TRMT10B: variants seen among roughly 807,000 people sequenced by gnomAD.
TRMT10B encodes tRNA methyltransferase 10B.
In TRMT10B, 33 loss-of-function variants were observed where a neutral mutation model predicts 43.8. That is an observed-to-expected ratio of 0.75 (90% confidence interval 0.57 to 1.01). The LOEUF is 1.01. Ranked by LOEUF, TRMT10B falls within the 50% of genes least tolerant of loss-of-function variation. The probability of loss-of-function intolerance (pLI) is 0.00; values close to 1 mark genes in which losing one functional copy is unlikely to be tolerated. For synonymous variants in TRMT10B, 137 were observed against 130.6 expected (o/e 1.05, Z -0.34); for missense variants, 362 against 369.8 (o/e 0.98, Z 0.17).
chr9:37,763,516 A>T, intron 3 of TRMT10B, 113 bp from the exon 4 acceptor site: 2 of 830,278 alleles, frequency 2.4e-6, no homozygotes, highest in Middle Eastern at 3.3e-4. Context: ...AATACCTTAC[A>T]TCAGTATCAA....
Position 37,765,091 on chromosome 9 carries a change from C to T in TRMT10B, c.420+1338C>T, listed in dbSNP as rs557939578. Among the ~76,000 whole-genome samples the T allele has an allele frequency of 5.9e-5, 9 of 152,164 alleles. No homozygotes were observed. The South Asian group carries it at 1.9e-3, about 32-fold the overall frequency. ...GGATAAAGAGATTATGCCTTGGACC[C>T]TTGATGAAAAGTATTTAATTATTTA... On this transcript the variant is annotated intron_variant, in intron 4 of 8. Coordinates refer to ENST00000297994, the MANE Select transcript of TRMT10B (RefSeq NM_144964.4).
intron 3 of TRMT10B, among the ~76,000 whole-genome samples, chr9:37,763,159 A>AC (rs200884185): frequency 1.4e-5 from 2 of 143,012 alleles, no homozygotes; most frequent in Non-Finnish European, 3.0e-5. Flanking sequence ...AAAAAAAAAA[A>AC]AAAAAACAAA....
At chr9:37,773,972 A>AC (rs781091646) in intron 7 of TRMT10B, among the ~76,000 whole-genome samples, 15,186 of 147,158 alleles carry the variant, frequency 0.1, 963 homozygotes, top group Non-Finnish European at 0.15. Flanking sequence ...AAAAAAAAAA[A>AC]AACAACAATA....
chr9:37,765,096 T>C (rs962447373), intron 4 of TRMT10B, among the ~76,000 whole-genome samples: 2 of 152,156 alleles, frequency 1.3e-5, no homozygotes, highest in Non-Finnish European at 2.9e-5. Flanking sequence ...GGACCCTTGA[T>C]GAAAAGTATT....
rs528788863 is a variant in TRMT10B, at chr9:37,770,839, CAGAG to C, written c.720+101_720+104del. The C allele has an allele frequency of 4.1e-4, 502 of 1,232,756 alleles. 2 individuals are homozygous for C. The African/African-American group carries it at 7.2e-3, about 18-fold the overall frequency. 76.4% of individuals were successfully genotyped at this position (1,232,756 alleles called of 1,614,324 possible). A position where few individuals can be genotyped will look rare whatever the true frequency, so the allele number is the denominator to read the frequency against. ...GTCTCCTCTAGAGGGTCTAAGAACTCAGAGGGAACAGGAAGAAAGAGCCATCCCC... is the reference window on the plus strand; with the variant it reads ...GTCTCCTCTAGAGGGTCTAAGAACTCGGAACAGGAAGAAAGAGCCATCCCC... On this transcript the variant is annotated intron_variant, in intron 7 of 8. Transcript: ENST00000297994.
At position 37,755,655 on chromosome 9, in the gene TRMT10B, T is replaced by C. The variant is rs141631807; in HGVS notation, c.-30+1803T>C. Among the ~76,000 whole-genome samples the C allele has an allele frequency of 4.4e-4, 67 of 152,326 alleles. 1 individual carries two copies. The highest frequency in any genetic ancestry group is 1.6e-3 in the African/African-American group (65 of 41,554). ...CAGGAGTGTTAGCTTGTTCTATTAC[T>C]CTTCTGATGGTGGTTGGAGTTGTTT... On this transcript the variant is annotated intron_variant, in intron 1 of 8. Transcript: ENST00000297994.
intron 2 of TRMT10B, 63 bp downstream of exon 2, chr9:37,762,180 T>A: frequency 6.7e-7 from 1 of 1,498,338 alleles, no homozygotes; most frequent in South Asian, 1.3e-5. Flanking sequence ...ACACCCCTGT[T>A]TTAAAGATGG....
chr9:37,778,212 T>A lies in TRMT10B; in HGVS notation c.*505T>A, dbSNP rs1021893088. ...CTGGCTCACAGGAAGTGCTCAGATA[T>A]GTTAAGTAATAAAAAGTTAATGTGG... On this transcript the variant is annotated 3_prime_UTR_variant, in exon 9 of 9. Coordinates refer to ENST00000297994, the MANE Select transcript of TRMT10B (RefSeq NM_144964.4). 1 of 152,040 alleles carries A rather than the reference T, an allele frequency of 6.6e-6. No homozygotes were observed. Among genetic ancestry groups the A allele is most frequent in the African/African-American group, 2.4e-5 (1 of 41,242 alleles). 9.4% of individuals were successfully genotyped at this position (152,040 alleles called of 1,614,324 possible).
chr9:37,763,018 G>T (rs1826543073), intron 3 of TRMT10B, among the ~76,000 whole-genome samples: 2 of 149,170 alleles, frequency 1.3e-5, no homozygotes, highest in African/African-American at 4.9e-5. Flanking sequence ...GCACGCACCT[G>T]TAGTCCCAGC....
chr9:37,755,369 T>G (rs1363889613), intron 1 of TRMT10B, among the ~76,000 whole-genome samples: 1 of 151,480 alleles, frequency 6.6e-6, no homozygotes, highest in Non-Finnish European at 1.5e-5. Context: ...TGGATGCCCT[T>G]AGGTGTGTTT....
chr9:37,769,615 G>A (rs1827346521), intron 5 of TRMT10B: 2 of 246,190 alleles, frequency 8.1e-6, no homozygotes, highest in Non-Finnish European at 1.6e-5. Flanking sequence ...AATTTTGAGC[G>A]GGGTTTTTTT....
chr9:37,775,352 G>GA (rs920383871), intron 7 of TRMT10B, among the ~76,000 whole-genome samples: 18 of 152,278 alleles, frequency 1.2e-4, no homozygotes, highest in African/African-American at 4.3e-4. Flanking sequence ...GTCTTAGGTA[G>GA]AAAATCTTTC....
At chr9:37,766,179 C>T (rs1826969345) in intron 4 of TRMT10B, among the ~76,000 whole-genome samples, 1 of 152,008 alleles carries the variant, frequency 6.6e-6, no homozygotes. Flanking sequence ...ATGGTATTGC[C>T]TAGGTTTTCT....
chr9:37,769,883 G>C (rs1436276295), intron 5 of TRMT10B, 58 bp from the exon 6 acceptor site: 1 of 1,412,658 alleles, frequency 7.1e-7, no homozygotes, highest in African/African-American at 1.4e-5. Context: ...GATTACAGAC[G>C]TGAGCCACCC....
At chr9:37,777,464 C>A in intron 8 of TRMT10B, 137 bp from the exon 9 acceptor site, 1 of 652,040 alleles carries the variant, frequency 1.5e-6, no homozygotes, top group Non-Finnish European at 2.6e-6. Context: ...TGTGTCCTTG[C>A]CTCTCCCCGC....
chr9:37,774,368 C>A (rs1031366700), intron 7 of TRMT10B, among the ~76,000 whole-genome samples: 1 of 152,174 alleles, frequency 6.6e-6, no homozygotes, highest in Admixed American at 6.5e-5. Flanking sequence ...TACAGATGTG[C>A]AGTTTTAACA....
chr9:37,754,793 C>T (rs1825434742), intron 1 of TRMT10B, among the ~76,000 whole-genome samples: 1 of 152,084 alleles, frequency 6.6e-6, no homozygotes, highest in Non-Finnish European at 1.5e-5. Context: ...ATTGGAGGCT[C>T]AGAAAAGATG....
intron 7 of TRMT10B, among the ~76,000 whole-genome samples, chr9:37,775,195 G>C (rs1471473747): frequency 6.6e-6 from 1 of 152,248 alleles, no homozygotes; most frequent in East Asian, 1.9e-4. Context: ...GCTGTCCATT[G>C]AGTGGCCACA....
At chr9:37,753,580 A>G (rs1825202258), upstream of TRMT10B, among the ~76,000 whole-genome samples, 1 of 152,122 alleles carries the variant, frequency 6.6e-6, no homozygotes, top group Non-Finnish European at 1.5e-5. Flanking sequence ...TGAAGTTGGT[A>G]AAGGGTTGGG....
Sources: allele counts gnomAD v4.1 joint callset (sites outside exome capture counted in the v4.1 genomes callset), GRCh38; gene constraint gnomAD v4.1.1; transcripts MANE v1.5; gene names NCBI Gene and HGNC (gene_info 2026-07-23, HGNC 2026-07-21).